The following EHBP1 variants were observed in gnomAD, a reference collection of about 807,000 sequenced individuals.
EHBP1 encodes the protein EH domain-binding protein 1.
Under a neutral mutation model 144.0 loss-of-function variants are expected in EHBP1, and 55 were observed. The observed-to-expected ratio is 0.38, with a 90% confidence interval of 0.31 to 0.48. The LOEUF (loss-of-function observed/expected upper bound fraction) is 0.48, where lower values mean the gene tolerates loss of function less well. EHBP1 is among the 20% of genes least tolerant of loss of function. EHBP1 has a pLI of 0.98. For missense variants in EHBP1, 1,200 were observed against 1,364.2 expected, an observed-to-expected ratio of 0.88 and a Z score of 1.90; for synonymous variants, 469 against 472.7, an observed-to-expected ratio of 0.99 and a Z score of 0.10.
intron 14 of EHBP1, among the ~76,000 whole-genome samples, chr2:62,967,517 A>G (rs192013658): frequency 1.5e-4 from 23 of 152,300 alleles, no homozygotes; most frequent in East Asian, 7.7e-4. Context: ...CAAGCTGCCA[A>G]CAGTTTGCAG....
chr2:62,915,772 G>A (rs2054565614), intron 10 of EHBP1, among the ~76,000 whole-genome samples: 1 of 152,040 alleles, frequency 6.6e-6, no homozygotes. Context: ...GGATACTAAA[G>A]CAGTATATAC....
intron 1 of EHBP1, among the ~76,000 whole-genome samples, chr2:62,681,920 C>A (rs1334519572): frequency 6.6e-6 from 1 of 152,186 alleles, no homozygotes; most frequent in Non-Finnish European, 1.5e-5. Context: ...TAGATAGATA[C>A]TCTGTTCTGG....
chr2:62,795,236 C>T (rs1200933875), intron 5 of EHBP1, among the ~76,000 whole-genome samples: 41 of 152,028 alleles, frequency 2.7e-4, no homozygotes, highest in Admixed American at 2.6e-3. Context: ...TTAACATTCT[C>T]CTGCCTCTTC....
At chr2:62,692,683 C>T (rs1345953782) in intron 1 of EHBP1, among the ~76,000 whole-genome samples, 1 of 152,060 alleles carries the variant, frequency 6.6e-6, no homozygotes, top group Non-Finnish European at 1.5e-5. Context: ...ATATCATCTT[C>T]AGATAAATGT....
intron 5 of EHBP1, among the ~76,000 whole-genome samples, chr2:62,815,251 G>A (rs1219098367): frequency 6.6e-6 from 1 of 152,164 alleles, no homozygotes; most frequent in Admixed American, 6.5e-5. Context: ...ATCACTGTAA[G>A]GATGAAGAAG....
At chr2:62,796,500 T>C (rs1227575076) in intron 5 of EHBP1, among the ~76,000 whole-genome samples, 1 of 152,200 alleles carries the variant, frequency 6.6e-6, no homozygotes, top group Admixed American at 6.5e-5. Flanking sequence ...ACCATATACA[T>C]GGATACTTTT....
At chr2:62,844,446 T>C (rs1015634923) in intron 7 of EHBP1, among the ~76,000 whole-genome samples, 3 of 152,122 alleles carry the variant, frequency 2.0e-5, no homozygotes, top group African/African-American at 7.2e-5. Flanking sequence ...ATCACTGAAA[T>C]GTAGCAGGAG....
At chr2:62,933,341 T>C (rs1312294223) in intron 10 of EHBP1, among the ~76,000 whole-genome samples, 1 of 152,078 alleles carries the variant, frequency 6.6e-6, no homozygotes, top group East Asian at 1.9e-4. Context: ...ATGAAGAAAA[T>C]TTGACCTTAT....
chr2:62,923,753 G>A (rs1230956943), intron 10 of EHBP1, among the ~76,000 whole-genome samples: 1 of 152,140 alleles, frequency 6.6e-6, no homozygotes, highest in Non-Finnish European at 1.5e-5. Context: ...GGCCTAAGAA[G>A]CAACTTTGCA....
At chr2:62,870,634 T>G (rs1201810577) in intron 9 of EHBP1, among the ~76,000 whole-genome samples, 17 of 149,228 alleles carry the variant, frequency 1.1e-4, no homozygotes, top group Non-Finnish European at 7.4e-5. Context: ...GAGAATCGCT[T>G]GAATCTGGGA....
intron 10 of EHBP1, among the ~76,000 whole-genome samples, chr2:62,933,003 T>C (rs2056122767): frequency 6.6e-6 from 1 of 150,620 alleles, no homozygotes; most frequent in Admixed American, 6.6e-5. Flanking sequence ...TGTATTTTAC[T>C]ACAATAAAAA....
chr2:62,860,795 A>ATT (rs2049461440), intron 8 of EHBP1, among the ~76,000 whole-genome samples: 1 of 152,202 alleles, frequency 6.6e-6, no homozygotes. Context: ...CAGAGGTATA[A>ATT]AAGAGAGTGG....
At chr2:62,716,860 A>C (rs2035734735) in intron 2 of EHBP1, among the ~76,000 whole-genome samples, 1 of 152,062 alleles carries the variant, frequency 6.6e-6, no homozygotes, top group Non-Finnish European at 1.5e-5. Context: ...CTGGCTGCCA[A>C]CTCTGGCTGC....
chr2:63,034,968 G>A (rs2061395498), intron 19 of EHBP1, among the ~76,000 whole-genome samples: 1 of 152,032 alleles, frequency 6.6e-6, no homozygotes, highest in Non-Finnish European at 1.5e-5. Flanking sequence ...TGGATTACTA[G>A]TATTGGATTA....
chr2:62,962,227 G>A (rs1390758785), intron 14 of EHBP1, among the ~76,000 whole-genome samples: 1 of 152,206 alleles, frequency 6.6e-6, no homozygotes, highest in Admixed American at 6.5e-5. Flanking sequence ...TCGGGAGGCT[G>A]AGGCACAGGA....
intron 8 of EHBP1, among the ~76,000 whole-genome samples, chr2:62,859,626 C>G (rs551565424): frequency 2.2e-4 from 34 of 152,272 alleles, no homozygotes; most frequent in African/African-American, 7.9e-4. Context: ...CCCTGACACT[C>G]AGTCTGTTGA....
At chr2:62,841,379 T>C (rs991951590) in intron 7 of EHBP1, among the ~76,000 whole-genome samples, 1 of 149,674 alleles carries the variant, frequency 6.7e-6, no homozygotes, top group African/African-American at 2.5e-5. Flanking sequence ...TTGGGAGATA[T>C]ACCTAATGCT....
At chr2:62,686,546 A>T (rs938484770) in intron 1 of EHBP1, among the ~76,000 whole-genome samples, 31 of 152,236 alleles carry the variant, frequency 2.0e-4, no homozygotes, top group Admixed American at 3.3e-4. Context: ...GTTCCAATGC[A>T]AATTATCACC....
intron 18 of EHBP1, among the ~76,000 whole-genome samples, chr2:62,995,045 A>G (rs894479739): frequency 2.6e-5 from 4 of 152,054 alleles, no homozygotes; most frequent in East Asian, 1.9e-4. Flanking sequence ...GCAAACTACT[A>G]TATTTGTTTT....
Sources: allele counts gnomAD v4.1 joint callset (sites outside exome capture counted in the v4.1 genomes callset), GRCh38; gene constraint gnomAD v4.1.1; transcripts MANE v1.5; gene names NCBI Gene and HGNC (gene_info 2026-07-23, HGNC 2026-07-21).